MLLT3: variants seen among roughly 807,000 people sequenced by gnomAD.
MLLT3 encodes the protein MLLT3 super elongation complex subunit.
A neutral mutation model predicts 53.2 loss-of-function variants in MLLT3; 4 were observed. The observed-to-expected ratio is 0.08, with a 90% CI of 0.04 to 0.17. The LOEUF (loss-of-function observed/expected upper bound fraction) is 0.17, where lower values mean the gene tolerates loss of function less well. MLLT3 is among the 10% of genes least tolerant of loss of function. MLLT3 has a pLI of 1.00. For synonymous variants in MLLT3, 283 were observed against 230.6 expected (o/e 1.23, Z -2.06); for missense variants, 569 against 684.0 (o/e 0.83, Z 1.87).
At chr9:20,472,530 G>T (rs1025436985) in intron 2 of MLLT3, among the ~76,000 whole-genome samples, 5 of 151,972 alleles carry the variant, frequency 3.3e-5, no homozygotes, top group African/African-American at 1.2e-4. Context: ...CTACCACTGG[G>T]GGTTGGGCAT....
At chr9:20,371,821 G>C (rs547578043) in intron 5 of MLLT3, among the ~76,000 whole-genome samples, 4 of 152,304 alleles carry the variant, frequency 2.6e-5, no homozygotes, top group African/African-American at 9.6e-5. Flanking sequence ...CATTTTGTAA[G>C]GCTATAGGTG....
At chr9:20,578,666 T>C (rs1420666421) in intron 2 of MLLT3, among the ~76,000 whole-genome samples, 1 of 152,094 alleles carries the variant, frequency 6.6e-6, no homozygotes, top group East Asian at 1.9e-4. Flanking sequence ...ACCTGCATTT[T>C]AAATTATATT....
chr9:20,395,848 G>A lies in MLLT3; in HGVS notation c.1125+17873C>T, dbSNP rs553347283. Among the ~76,000 whole-genome samples the A allele has an allele frequency of 7.9e-5, 12 of 152,258 alleles. No homozygotes were observed. The South Asian group carries it at 1.7e-3, about 21-fold the overall frequency. ...AAGTCTGCACTTTTATAGGCTTTAA[G>A]CTGTTGAAGAGCCAACAAAAGTACT... On this transcript the variant is annotated intron_variant, in intron 5 of 10. Coordinates refer to ENST00000380338, the MANE Select transcript of MLLT3 (RefSeq NM_004529.4).
rs1466254113 is a variant in MLLT3, at chr9:20,621,156, A to C, written c.13-322T>G. ...ACTCAGCCACGACAAGCACGACAAC[A>C]AATGCATCGGAAACAAATCAGAAGG... On this transcript the variant is annotated intron_variant, in intron 1 of 10. Coordinates refer to ENST00000380338, the MANE Select transcript of MLLT3 (RefSeq NM_004529.4). This position sits in a 1 kb window ranked among gnomAD's most constrained non-coding sequence, Gnocchi z 7.0. 6.6e-6 allele frequency among the ~76,000 whole-genome samples: 1 copy of C among 152,184 alleles called. No individual in the cohort carries two copies. The highest frequency in any genetic ancestry group is 1.5e-5 in the Non-Finnish European group (1 of 68,028).
At chr9:20,447,941 A>G (rs574292048) in intron 4 of MLLT3, among the ~76,000 whole-genome samples, 182 bp downstream of exon 4, 1 of 152,256 alleles carries the variant, frequency 6.6e-6, no homozygotes, top group East Asian at 1.9e-4. Context: ...TATCTAAAAT[A>G]TTATTGTCTA....
rs543672849 is a variant in MLLT3 at position 20,346,379 on chromosome 9, C to CAAAAAAAAAAAAAAACCAAA, written c.*63_*64insTTTGGTTTTTTTTTTTTTTT. On this transcript the variant is annotated 3_prime_UTR_variant, in exon 11 of 11. Coordinates refer to ENST00000380338, the MANE Select transcript of MLLT3 (RefSeq NM_004529.4). ...AACAACAAGAACAAAAAATCACAACCAAAAAAAAAAAAAACCAAAAAAAAA... is the reference window on the plus strand; with the variant it reads ...AACAACAAGAACAAAAAATCACAACCAAAAAAAAAAAAAAACCAAAAAAAAAAAAAAAAACCAAAAAAAAA... 1 of 850,156 alleles carries CAAAAAAAAAAAAAAACCAAA rather than the reference C, an allele frequency of 1.2e-6. No homozygotes were observed. The highest frequency in any genetic ancestry group is 1.5e-6 in the Non-Finnish European group (1 of 655,910). The allele number at this position is 850,156 out of a possible 1,614,324, so 52.7% of individuals were successfully genotyped here.
chr9:20,561,446 C>T (rs919174354), intron 2 of MLLT3, among the ~76,000 whole-genome samples: 1 of 152,142 alleles, frequency 6.6e-6, no homozygotes, highest in South Asian at 2.1e-4. Context: ...CAGAGACCAC[C>T]TGGGCAGCCT....
chr9:20,615,225 C>T (rs1820798071), intron 2 of MLLT3, among the ~76,000 whole-genome samples: 1 of 151,628 alleles, frequency 6.6e-6, no homozygotes, highest in Admixed American at 6.6e-5. Flanking sequence ...GTGGTCCACG[C>T]CTATAGTCTG....
intron 2 of MLLT3, among the ~76,000 whole-genome samples, chr9:20,609,600 C>G (rs1185005372): frequency 6.6e-6 from 1 of 152,040 alleles, no homozygotes; most frequent in African/African-American, 2.4e-5. Flanking sequence ...TGGTCAAGAG[C>G]CATAATTGAG....
At chr9:20,478,047 C>T (rs75155285) in intron 2 of MLLT3, among the ~76,000 whole-genome samples, 2,956 of 152,172 alleles carry the variant, frequency 0.019, 96 homozygotes, top group African/African-American at 0.067. Flanking sequence ...AGAAACAAAG[C>T]CACCTTGAAA....
At chr9:20,462,087 A>G (rs1297982299) in intron 2 of MLLT3, among the ~76,000 whole-genome samples, 1 of 152,184 alleles carries the variant, frequency 6.6e-6, no homozygotes, top group African/African-American at 2.4e-5. Context: ...GGAAGTCTAG[A>G]GCCAGCGTCT....
At chr9:20,550,930 T>C (rs1230508565) in intron 2 of MLLT3, among the ~76,000 whole-genome samples, 1 of 152,098 alleles carries the variant, frequency 6.6e-6, no homozygotes, top group Admixed American at 6.5e-5. Flanking sequence ...GCTAAATTTT[T>C]TTCATTTTTT....
At chr9:20,446,696 T>C (rs940611744) in intron 4 of MLLT3, among the ~76,000 whole-genome samples, 7 of 152,324 alleles carry the variant, frequency 4.6e-5, no homozygotes, top group Non-Finnish European at 5.9e-5. Context: ...AGTTAGTTGA[T>C]TGTTAATGGC....
At chr9:20,520,937 T>C (rs1205057617) in intron 2 of MLLT3, among the ~76,000 whole-genome samples, 2 of 152,242 alleles carry the variant, frequency 1.3e-5, no homozygotes, top group Middle Eastern at 3.4e-3. Context: ...TGTAGAATAG[T>C]GGAAAAGGCA....
chr9:20,354,268 C>T (rs1033253909), intron 9 of MLLT3, among the ~76,000 whole-genome samples: 6 of 152,188 alleles, frequency 3.9e-5, no homozygotes, highest in Admixed American at 2.0e-4. Flanking sequence ...CTCAGACTCA[C>T]GAGTCTTTGT....
At chr9:20,565,980 ATATT>A (rs1176324894) in intron 2 of MLLT3, among the ~76,000 whole-genome samples, 16 of 104,282 alleles carry the variant, frequency 1.5e-4, no homozygotes, top group African/African-American at 2.7e-4. Flanking sequence ...ATATATATAT[ATATT>A]TATTTATATA....
chr9:20,566,392 T>C (rs566609938), intron 2 of MLLT3, among the ~76,000 whole-genome samples: 5 of 152,106 alleles, frequency 3.3e-5, no homozygotes, highest in Admixed American at 1.3e-4. Flanking sequence ...TTCTTTTTAA[T>C]TGCATGAACA....
intron 2 of MLLT3, among the ~76,000 whole-genome samples, chr9:20,548,185 C>G (rs185605284): frequency 6.6e-6 from 1 of 152,334 alleles, no homozygotes; most frequent in African/African-American, 2.4e-5. Context: ...ATTCAATTCT[C>G]TAATCTAACC....
intron 4 of MLLT3, among the ~76,000 whole-genome samples, chr9:20,415,813 C>A (rs1273760640): frequency 6.6e-6 from 1 of 151,852 alleles, no homozygotes; most frequent in Non-Finnish European, 1.5e-5. Context: ...ATAAGCATCA[C>A]AAAGTAATAT....
Sources: allele counts gnomAD v4.1 joint callset (sites outside exome capture counted in the v4.1 genomes callset), GRCh38; gene constraint gnomAD v4.1.1; non-coding constraint Gnocchi (gnomAD v3.1); transcripts MANE v1.5; gene names NCBI Gene and HGNC (gene_info 2026-07-23, HGNC 2026-07-21).